The following PPM1M variants were observed in gnomAD, a reference collection of about 807,000 sequenced individuals.
The protein encoded by PPM1M is protein phosphatase 1M.
Under a neutral mutation model 50.8 loss-of-function variants are expected in PPM1M, and 44 were observed. The ratio of observed to expected loss-of-function variants is 0.87; its 90% CI spans 0.68 to 1.11. PPM1M has a LOEUF of 1.11. Among genes scored for constraint, PPM1M ranks in the 50% most tolerant of loss-of-function variants. The pLI, the probability that PPM1M is intolerant of heterozygous loss-of-function variation, is 0.00. For missense variants in PPM1M, 556 were observed against 593.4 expected (o/e 0.94, Z 0.66); for synonymous variants, 224 against 242.9 (o/e 0.92, Z 0.72).
rs1377648366 is a variant in PPM1M at position 52,249,748 on chromosome 3, C to G, written c.1314C>G (p.Ser438=). 1 of 1,613,812 alleles carries G rather than the reference C, an allele frequency of 6.2e-7. No individual in the cohort carries two copies. Among genetic ancestry groups the G allele is most frequent in the Non-Finnish European group, 8.5e-7 (1 of 1,179,872 alleles). The change falls in exon 10 of 10, where the codon TCC becomes TCG. Residue 438 remains serine, a synonymous_variant. Transcript: ENST00000323588. Reference sequence around the variant, plus strand: ...GTCTCACAGAGGAAGGGCAGGTGTCCTACGATGACGTCTCTGTGTTCGTGA... The same window carrying G: ...GTCTCACAGAGGAAGGGCAGGTGTCGTACGATGACGTCTCTGTGTTCGTGA... The part of the protein sequence containing the change: ...EDSLTEEGQV[S]YDDVSVFVIP...
rs1699921251 is a variant in PPM1M, at chr3:52,249,289, G to C, written c.1202G>C (p.Ser401Thr). Residue 401 changes from serine (S) to threonine (T), a missense_variant, in exon 9 of 10, where the codon AGC (serine) becomes ACC (threonine). By Grantham distance (58) the Ser-to-Thr change is moderately conservative. Transcript: ENST00000323588. ...GAGCAGGTGGCATGGCTGGTGCGGA[G>C]CTTCCTCCCTGGGAACCAAGAGGAC... Reference protein sequence around the residue: ...SNEQVAWLVRSFLPGNQEDPH... With the variant: ...SNEQVAWLVRTFLPGNQEDPH... 2 of 1,610,864 alleles carry C rather than the reference G, an allele frequency of 1.2e-6. No homozygotes were observed. Among genetic ancestry groups the C allele is most frequent in the African/African-American group, 2.7e-5 (2 of 74,866 alleles).
At position 52,249,819 on chromosome 3, in the gene PPM1M, TCAGA is replaced by T; in HGVS notation, c.*8_*11del. ...CAAGAGAGCAGTGACCACTGAGGAT[TCAGA>T]CACTGTATCCCAGAACTGCTCTAGT... On this transcript the variant is annotated 3_prime_UTR_variant, in exon 10 of 10. Coordinates refer to ENST00000323588, the MANE Select transcript of PPM1M (RefSeq NM_144641.4). 1.9e-6 allele frequency: 3 copies of T among 1,610,956 alleles called. No homozygotes were observed. The highest frequency in any genetic ancestry group is 2.5e-6 in the Non-Finnish European group (3 of 1,178,450).
chr3:52,246,968 G>C lies in PPM1M; in HGVS notation c.343-6G>C. ...CAGAGGCTGACACTGAGCCCTTCCT[G>C]TGCAGTTCCTGACAGGCCATTACTG... On this transcript the variant is annotated splice_polypyrimidine_tract_variant and splice_region_variant and intron_variant, in intron 2 of 9. Transcript: ENST00000323588. 1 of 1,536,688 alleles carries C rather than the reference G, an allele frequency of 6.5e-7. No homozygotes were observed.
Position 52,246,824 on chromosome 3 carries a change from C to T in PPM1M, c.342+12C>T. 1 of 1,437,540 alleles carries T rather than the reference C, an allele frequency of 7.0e-7. No homozygotes were observed. Among genetic ancestry groups the T allele is most frequent in the Non-Finnish European group, 9.3e-7 (1 of 1,074,986 alleles). 89.0% of individuals were successfully genotyped at this position (1,437,540 alleles called of 1,614,324 possible). The stretch of plus-strand genomic sequence containing the variant: ...TGTGCCCAGAGGAGGTGAGTGCAGT[C>T]TGAGTTCTTGGCTGGAATCCCTCCG... On this transcript the variant is annotated intron_variant, in intron 2 of 9. Coordinates refer to ENST00000323588, the MANE Select transcript of PPM1M (RefSeq NM_144641.4).
intron 6 of PPM1M, 88 bp downstream of exon 6, chr3:52,248,541 G>C (rs1699904529): frequency 1.3e-6 from 2 of 1,582,432 alleles, no homozygotes; most frequent in East Asian, 2.2e-5. Context: ...CACCTTGGCA[G>C]GGTGGCACTG....
intron 4 of PPM1M, 115 bp from the exon 5 acceptor site, chr3:52,248,038 G>T: frequency 2.1e-6 from 2 of 955,182 alleles, no homozygotes; most frequent in Non-Finnish European, 3.3e-6. Flanking sequence ...GGGCTTTAAG[G>T]GATCATCATG....
chr3:52,246,534 T>G (rs897611094), intron 1 of PPM1M, 161 bp from the exon 2 acceptor site: 1 of 488,716 alleles, frequency 2.0e-6, no homozygotes, highest in African/African-American at 2.0e-5. Flanking sequence ...CCAGTGAAGT[T>G]AGGAAGCTTA....
intron 1 of PPM1M, 177 bp from the exon 2 acceptor site, chr3:52,246,518 A>G (rs558781974): frequency 8.0e-6 from 4 of 502,116 alleles, no homozygotes; most frequent in African/African-American, 2.0e-5. Flanking sequence ...TACCTTAGCC[A>G]TGAGGCCAGT....
At chr3:52,248,088 G>GGAGGGTGGCCATGGGT in intron 4 of PPM1M, 65 bp from the exon 5 acceptor site, 1 of 1,372,840 alleles carries the variant, frequency 7.3e-7, no homozygotes, top group Non-Finnish European at 1.0e-6. Flanking sequence ...GGGACTGGTA[G>GGAGGGTGGCCATGGGT]GAGGGTGGCC....
intron 6 of PPM1M, 65 bp downstream of exon 6, chr3:52,248,518 TG>T: frequency 1.3e-6 from 2 of 1,592,018 alleles, no homozygotes; most frequent in South Asian, 2.2e-5. Flanking sequence ...CCGTATGGCC[TG>T]GGGCCCCCCT....
intron 3 of PPM1M, 93 bp from the exon 4 acceptor site, chr3:52,247,589 T>C (rs889244841): frequency 2.3e-6 from 2 of 855,222 alleles, no homozygotes; most frequent in African/African-American, 3.3e-5. Flanking sequence ...GGCCTGCTGG[T>C]AGAAGTGAAC....
chr3:52,249,915 C>T lies in PPM1M; in HGVS notation c.*101C>T. The T allele has an allele frequency of 1.8e-6, 2 of 1,101,010 alleles. No individual in the cohort carries two copies. Among genetic ancestry groups the T allele is most frequent in the Non-Finnish European group, 2.6e-6 (2 of 761,386 alleles). 68.2% of individuals were successfully genotyped at this position (1,101,010 alleles called of 1,614,324 possible). ...CAAATCCTGCCTGCCCTATCCCTAG[C>T]CACCGCCCAGTGCTCTCACTATCCA... is the stretch of plus-strand genomic sequence containing the variant. On this transcript the variant is annotated 3_prime_UTR_variant, in exon 10 of 10. Coordinates refer to ENST00000323588, the MANE Select transcript of PPM1M (RefSeq NM_144641.4).
intron 4 of PPM1M, 27 bp downstream of exon 4, chr3:52,247,821 A>G (rs747835065): frequency 8.2e-5 from 41 of 497,410 alleles, no homozygotes; most frequent in Non-Finnish European, 1.4e-4. Context: ...AGGGTGGGCA[A>G]GGGTGGGATG....
Position 52,248,687 on chromosome 3 carries a change from G to A in PPM1M, c.965G>A (p.Gly322Glu), listed in dbSNP as rs765094830. ...KSDLKYPLIH[G>E]QGRQARLLGT... ...GATCTCAAGTACCCACTGATCCATG[G>A]ACAGGGTAGGCAGGTCAGTGCCTGG... The change falls in exon 7 of 10, where the codon GGA becomes GAA. Residue 322 changes from glycine to glutamate, a missense_variant. By Grantham distance (98) the Gly-to-Glu change is moderately conservative. Coordinates refer to ENST00000323588, the MANE Select transcript of PPM1M (RefSeq NM_144641.4). 1 of 1,613,904 alleles carries A rather than the reference G, an allele frequency of 6.2e-7. No individual in the cohort carries two copies. The highest frequency in any genetic ancestry group is 1.1e-5 in the South Asian group (1 of 91,076).
chr3:52,248,075 G>A (rs1001524998), intron 4 of PPM1M, 78 bp from the exon 5 acceptor site: 1 of 1,236,678 alleles, frequency 8.1e-7, no homozygotes, highest in Non-Finnish European at 1.2e-6. Context: ...GGTGGTTGGA[G>A]GAGGGACTGG....
chr3:52,246,006 C>T lies in PPM1M; in HGVS notation c.182C>T (p.Pro61Leu), dbSNP rs1367715573. The T allele has an allele frequency of 8.1e-7, 1 of 1,234,182 alleles. No individual in the cohort carries two copies. Among genetic ancestry groups the T allele is most frequent in the Non-Finnish European group, 1.0e-6 (1 of 962,636 alleles). 76.5% of individuals were successfully genotyped at this position (1,234,182 alleles called of 1,614,324 possible). A position where few individuals can be genotyped will look rare whatever the true frequency, so the allele number is the denominator to read the frequency against. Residue 61 changes from proline (P) to leucine (L), a missense_variant, in exon 1 of 10, where the codon CCC becomes CTC. Transcript: ENST00000323588. ...CCAGACTCCCGGCCCGTGCGCAGCCCCGCACGAGGACGCACGCTACCCTGG... is the reference window on the plus strand; with the variant it reads ...CCAGACTCCCGGCCCGTGCGCAGCCTCGCACGAGGACGCACGCTACCCTGG... ...RRPDSRPVRS[P>L]ARGRTLPWNA... is the part of the protein sequence containing the mutation.
In PPM1M at chr3:52,245,782, C is replaced by A; in HGVS notation, c.-43C>A. The A allele has an allele frequency of 1.0e-6, 1 of 957,732 alleles. No individual in the cohort carries two copies. 59.3% of individuals were successfully genotyped at this position (957,732 alleles called of 1,614,324 possible). A position where few individuals can be genotyped will look rare whatever the true frequency, so the allele number is the denominator to read the frequency against. On this transcript the variant is annotated 5_prime_UTR_variant, in exon 1 of 10. Transcript: ENST00000323588. The surrounding 1 kb of genome is among the most constrained non-coding windows in gnomAD (Gnocchi z 4.8). ...TTCTTCCTCCCGCGGGCGGCCCAGC[C>A]CTAGCGCCCCGCGCTCCGCGGGCAG... is the stretch of plus-strand genomic sequence containing the variant.
At chr3:52,247,487 T>A (rs1306253210) in intron 3 of PPM1M, 195 bp from the exon 4 acceptor site, 1 of 663,288 alleles carries the variant, frequency 1.5e-6, no homozygotes, top group Non-Finnish European at 2.6e-6. Flanking sequence ...GGGGCTGGTT[T>A]CTCTTCCTAT....
chr3:52,247,360 ATTG>A lies in PPM1M; in HGVS notation c.597+135_597+137del, dbSNP rs1699877741. 4.5e-5 allele frequency: 59 copies of A among 1,313,180 alleles called. No homozygotes were observed. In the South Asian group the frequency reaches 8.7e-4, roughly 19 times the overall value. 81.3% of individuals were successfully genotyped at this position (1,313,180 alleles called of 1,614,324 possible). ...GGGAGGATGAGATTGGGTTGGTTGGATTGTTACTAACAGCCATCACTATCAGCA... is the reference window on the plus strand; with the variant it reads ...GGGAGGATGAGATTGGGTTGGTTGGATTACTAACAGCCATCACTATCAGCA... On this transcript the variant is annotated intron_variant, in intron 3 of 9. Transcript: ENST00000323588.
Sources: gnomAD v4.1 joint callset for allele counts on GRCh38, gnomAD v4.1.1 for gene constraint, Gnocchi (gnomAD v3.1) non-coding constraint, MANE v1.5 for transcripts, NCBI Gene and HGNC (gene_info 2026-07-23, HGNC 2026-07-21) for gene names.